ZBTB20: variants seen among roughly 807,000 people sequenced by gnomAD.
The protein encoded by ZBTB20 is zinc finger and BTB domain containing 20.
Under a neutral mutation model 56.9 loss-of-function variants are expected in ZBTB20, and 9 were observed. The ratio of observed to expected loss-of-function variants is 0.16; its 90% CI spans 0.10 to 0.28. ZBTB20 has a LOEUF of 0.28. ZBTB20 is among the 10% of genes least tolerant of loss of function. The pLI, the probability that ZBTB20 is intolerant of heterozygous loss-of-function variation, is 1.00. For missense variants in ZBTB20, 655 were observed against 1,003.0 expected, an observed-to-expected ratio of 0.65 and a Z score of 4.69; for synonymous variants, 417 against 420.7, an observed-to-expected ratio of 0.99 and a Z score of 0.11.
At chr3:114,546,716 A>C (rs144703069) in intron 6 of ZBTB20, among the ~76,000 whole-genome samples, 2 of 152,284 alleles carry the variant, frequency 1.3e-5, no homozygotes, top group East Asian at 3.9e-4. Flanking sequence ...CTCCCTGAAG[A>C]TGTTTATAAT....
At chr3:114,953,475 A>C (rs2077143562) in intron 3 of ZBTB20, among the ~76,000 whole-genome samples, 1 of 152,020 alleles carries the variant, frequency 6.6e-6, no homozygotes, top group Non-Finnish European at 1.5e-5. Flanking sequence ...GTTTTCAACA[A>C]ATTTACTTCA....
Position 114,350,943 on chromosome 3 carries a change from C to T in ZBTB20, c.1135G>A (p.Val379Ile). 6 of 1,605,902 alleles carry T rather than the reference C, an allele frequency of 3.7e-6. No individual in the cohort carries two copies. Among genetic ancestry groups the T allele is most frequent in the Non-Finnish European group, 5.1e-6 (6 of 1,179,852 alleles). The change falls in exon 11 of 12, where the codon GTC (valine) becomes ATC (isoleucine). Residue 379 changes from valine to isoleucine, a missense_variant. Val to Ile is a conservative substitution (Grantham distance 29). Around this residue, in one of 10 missense-constraint regions of ZBTB20, gnomAD observed 156 missense variants for 181.0 expected, o/e 0.86. Coordinates refer to ENST00000675478, the MANE Select transcript of ZBTB20 (RefSeq NM_001348800.3). Reference sequence around the variant, plus strand: ...GGCTCGGTGCCTATGGAGGAGCTGACGCCCGAGTCGAAGCTTTCACCTTTG... The same window carrying T: ...GGCTCGGTGCCTATGGAGGAGCTGATGCCCGAGTCGAAGCTTTCACCTTTG... ...EPKGESFDSG[V>I]SSSIGTEPDS...
intron 10 of ZBTB20, among the ~76,000 whole-genome samples, chr3:114,353,317 G>A (rs561339934): frequency 1.2e-4 from 19 of 152,244 alleles, no homozygotes; most frequent in East Asian, 5.8e-4. Context: ...AACTCTTTCC[G>A]CTCTACCTTG....
chr3:114,636,268 T>C (rs2059267155), intron 6 of ZBTB20, among the ~76,000 whole-genome samples: 1 of 152,136 alleles, frequency 6.6e-6, no homozygotes, highest in Non-Finnish European at 1.5e-5. Flanking sequence ...TCACTGTACC[T>C]GCTTTGCATG....
At chr3:114,376,987 G>A (rs1460281124) in intron 10 of ZBTB20, among the ~76,000 whole-genome samples, 1 of 152,224 alleles carries the variant, frequency 6.6e-6, no homozygotes, top group Non-Finnish European at 1.5e-5. Flanking sequence ...GTATATGACT[G>A]TGATGTGCTA....
intron 4 of ZBTB20, among the ~76,000 whole-genome samples, chr3:114,822,012 A>G (rs1427207394): frequency 6.6e-6 from 1 of 151,862 alleles, no homozygotes; most frequent in Non-Finnish European, 1.5e-5. Flanking sequence ...TGTATTTACA[A>G]AGTAGGTTTG....
intron 11 of ZBTB20, among the ~76,000 whole-genome samples, chr3:114,341,965 C>T (rs185239460): frequency 2.4e-4 from 36 of 152,334 alleles, no homozygotes; most frequent in African/African-American, 8.2e-4. Context: ...CTGTTCCCTT[C>T]CCTGCCACAG....
chr3:114,884,709 A>G (rs2076538453), intron 4 of ZBTB20, among the ~76,000 whole-genome samples: 1 of 152,228 alleles, frequency 6.6e-6, no homozygotes, highest in Non-Finnish European at 1.5e-5. Flanking sequence ...ATAACTATAT[A>G]TTCCGAAAAA....
At chr3:114,807,861 T>G (rs1197932055) in intron 4 of ZBTB20, among the ~76,000 whole-genome samples, 4 of 152,158 alleles carry the variant, frequency 2.6e-5, no homozygotes, top group Admixed American at 6.5e-5. Flanking sequence ...CAGCACTGTA[T>G]AATGCTTTTC....
intron 2 of ZBTB20, among the ~76,000 whole-genome samples, chr3:115,051,304 T>G (rs565831099): frequency 1.1e-3 from 164 of 152,158 alleles, no homozygotes; most frequent in African/African-American, 3.8e-3. Flanking sequence ...ATCATAAAAT[T>G]ATTATATAAC....
Position 114,316,641 on chromosome 3 carries a change from A to G in ZBTB20, c.*22364T>C. On this transcript the variant is annotated 3_prime_UTR_variant, in exon 12 of 12. Transcript: ENST00000675478. ...CTTAACTTTCCCCTGCTCCCTCTGT[A>G]TATTTTAAACAGTCTGGAGCTTTAA... The G allele has an allele frequency of 2.0e-6, 1 of 507,268 alleles. No individual in the cohort carries two copies. Among genetic ancestry groups the G allele is most frequent in the South Asian group, 1.5e-5 (1 of 67,304 alleles). 31.4% of individuals were successfully genotyped at this position (507,268 alleles called of 1,614,324 possible).
intron 3 of ZBTB20, chr3:114,931,358 G>T: frequency 4.2e-6 from 1 of 239,440 alleles, no homozygotes; most frequent in East Asian, 1.3e-4. Flanking sequence ...TATCTATGTA[G>T]ACTCCCAGAA....
At chr3:114,921,612 G>A (rs1044553768) in intron 3 of ZBTB20, among the ~76,000 whole-genome samples, 1 of 150,330 alleles carries the variant, frequency 6.7e-6, no homozygotes, top group African/African-American at 2.5e-5. Context: ...GCTATCGCAA[G>A]GACAAAAAAC....
intron 3 of ZBTB20, among the ~76,000 whole-genome samples, chr3:114,951,928 A>T (rs1043343831): frequency 6.6e-6 from 1 of 152,102 alleles, no homozygotes; most frequent in African/African-American, 2.4e-5. Flanking sequence ...ATAAAATTTT[A>T]AAAAAATACA....
At chr3:114,807,433 C>A (rs114057427) in intron 4 of ZBTB20, among the ~76,000 whole-genome samples, 1 of 151,862 alleles carries the variant, frequency 6.6e-6, no homozygotes, top group South Asian at 2.1e-4. Flanking sequence ...TCCCCTCCCC[C>A]TCCCCTGCAG....
At chr3:114,788,216 T>C (rs944039521) in intron 5 of ZBTB20, among the ~76,000 whole-genome samples, 5 of 152,140 alleles carry the variant, frequency 3.3e-5, no homozygotes, top group Admixed American at 3.3e-4. Flanking sequence ...TATTAAAAAT[T>C]GACCATTTTA....
At chr3:114,616,081 C>T (rs1377445355) in intron 6 of ZBTB20, among the ~76,000 whole-genome samples, 4 of 152,152 alleles carry the variant, frequency 2.6e-5, no homozygotes, top group African/African-American at 9.7e-5. Context: ...TCTAATGACT[C>T]GAGGTGCACT....
At chr3:115,128,485 G>A (rs1276930129) in intron 1 of ZBTB20, among the ~76,000 whole-genome samples, 3 of 151,828 alleles carry the variant, frequency 2.0e-5, no homozygotes, top group African/African-American at 4.8e-5. Flanking sequence ...CCAACATGGT[G>A]AAAGCTCGTC....
At position 114,338,905 on chromosome 3, in the gene ZBTB20, A is replaced by C; in HGVS notation, c.*100T>G. The C allele has an allele frequency of 2.2e-6, 3 of 1,373,214 alleles. No individual in the cohort carries two copies. The highest frequency in any genetic ancestry group is 1.8e-5 in the South Asian group (1 of 56,910). 85.1% of individuals were successfully genotyped at this position (1,373,214 alleles called of 1,614,324 possible). ...AAAACAAAAACAGAAAGTAAAAATG[A>C]AACCAAAACATTTCTTAAATTCTAG... On this transcript the variant is annotated 3_prime_UTR_variant, in exon 12 of 12. Transcript: ENST00000675478.
Sources: allele counts gnomAD v4.1 joint callset (sites outside exome capture counted in the v4.1 genomes callset), GRCh38; gene constraint gnomAD v4.1.1; regional missense constraint gnomAD v4.1.1; transcripts MANE v1.5; gene names NCBI Gene and HGNC (gene_info 2026-07-23, HGNC 2026-07-21).